The following ABL1 variants were observed in gnomAD, a reference collection of about 807,000 sequenced individuals.
ABL1 encodes ABL proto-oncogene 1, non-receptor tyrosine kinase.
ABL1 carries 11 observed loss-of-function variants against 94.7 expected under a neutral mutation model. That is an observed-to-expected ratio of 0.12 (90% confidence interval 0.07 to 0.19). ABL1 has a LOEUF of 0.19. ABL1 is among the 10% of genes least tolerant of loss of function. The probability of loss-of-function intolerance (pLI) is 1.00; values close to 1 mark genes in which losing one functional copy is unlikely to be tolerated. For synonymous variants in ABL1, 656 were observed against 622.4 expected, an observed-to-expected ratio of 1.05 and a Z score of -0.80; for missense variants, 1,082 against 1,489.4, an observed-to-expected ratio of 0.73 and a Z score of 4.50.
Position 130,812,361 on chromosome 9 carries a change from T to TA in ABL1, c.137-41691dup, listed in dbSNP as rs755179481. Among the ~76,000 whole-genome samples the TA allele has an allele frequency of 7.9e-3, 1,142 of 144,882 alleles. 14 individuals are homozygous for TA. The highest frequency in any genetic ancestry group is 0.018 in the African/African-American group (720 of 39,702). On this transcript the variant is annotated intron_variant, in intron 1 of 10. Coordinates refer to the ABL1 transcript ENST00000372348. ...CCTGGGTGACAGCGAGATTCCATCT[T>TA]AAAAAAAAAAAATCCTCATTAAAAG...
intron 1 of ABL1, among the ~76,000 whole-genome samples, chr9:130,819,437 G>A (rs897404022): frequency 7.9e-5 from 12 of 151,620 alleles, no homozygotes; most frequent in Non-Finnish European, 1.8e-4. Flanking sequence ...TCTAATGTTC[G>A]TTGAATGAAA....
At chr9:130,846,520 C>T (rs1830775231) in intron 1 of ABL1, among the ~76,000 whole-genome samples, 1 of 152,210 alleles carries the variant, frequency 6.6e-6, no homozygotes, top group South Asian at 2.1e-4. Flanking sequence ...GCTCCATCCT[C>T]CTGTCCCCCC....
chr9:130,724,467 A>G (rs1831553502), intron 1 of ABL1, among the ~76,000 whole-genome samples: 1 of 151,532 alleles, frequency 6.6e-6, no homozygotes, highest in Non-Finnish European at 1.5e-5. Context: ...TATTTTATTT[A>G]TTTATTTTTG....
chr9:130,758,318 G>A (rs984004372), intron 1 of ABL1, among the ~76,000 whole-genome samples: 1 of 151,758 alleles, frequency 6.6e-6, no homozygotes, highest in Non-Finnish European at 1.5e-5. Flanking sequence ...GTACTACCAC[G>A]TCTGGCTAAT....
intron 8 of ABL1, among the ~76,000 whole-genome samples, chr9:130,878,908 G>A (rs1031580247): frequency 2.2e-5 from 3 of 136,186 alleles, no homozygotes; most frequent in Admixed American, 1.6e-4. Context: ...ACGGAGTTTC[G>A]CTCTTGTCGC....
chr9:130,749,098 T>C (rs1831923563), intron 1 of ABL1, among the ~76,000 whole-genome samples: 1 of 152,190 alleles, frequency 6.6e-6, no homozygotes, highest in Non-Finnish European at 1.5e-5. Flanking sequence ...ATACTAGATC[T>C]TGAGCACCAG....
In ABL1 at chr9:130,878,011, C is replaced by T. The variant is rs575758862; in HGVS notation, c.1271-404C>T. ...TGTATTTTTAGTAGAGACAGGGTTTCACCATGTTAGCCAGGATGGTCTCAA... is the reference window on the plus strand; with the variant it reads ...TGTATTTTTAGTAGAGACAGGGTTTTACCATGTTAGCCAGGATGGTCTCAA... On this transcript the variant is annotated intron_variant, in intron 7 of 10. Transcript: ENST00000318560. 2.7e-3 allele frequency among the ~76,000 whole-genome samples: 404 copies of T among 152,194 alleles called. 5 individuals carry two copies. Among genetic ancestry groups the T allele is most frequent in the African/African-American group, 9.4e-3 (392 of 41,496 alleles).
At chr9:130,837,381 C>G (rs761246409) in intron 1 of ABL1, among the ~76,000 whole-genome samples, 2 of 152,136 alleles carry the variant, frequency 1.3e-5, no homozygotes, top group Non-Finnish European at 2.9e-5. Flanking sequence ...AAGTGCAGAG[C>G]TGGAGCAAAG....
chr9:130,832,507 A>G (rs1588257310), upstream of ABL1, among the ~76,000 whole-genome samples: 1 of 151,572 alleles, frequency 6.6e-6, no homozygotes, highest in East Asian at 1.9e-4. Flanking sequence ...CTACCTTCCT[A>G]CCTCCTGGCT....
At chr9:130,853,281 T>G (rs922130459) in intron 1 of ABL1, among the ~76,000 whole-genome samples, 4 of 137,600 alleles carry the variant, frequency 2.9e-5, no homozygotes, top group African/African-American at 5.4e-5. Context: ...GTTCAAGCAA[T>G]TCTCCTGCCT....
intron 1 of ABL1, among the ~76,000 whole-genome samples, chr9:130,722,710 G>A (rs1405897013): frequency 6.6e-6 from 1 of 152,130 alleles, no homozygotes; most frequent in Non-Finnish European, 1.5e-5. Flanking sequence ...AATACATTTT[G>A]TATGGCCTTC....
At chr9:130,735,962 T>TATATA (rs1554757971) in intron 1 of ABL1, among the ~76,000 whole-genome samples, 84 of 48,658 alleles carry the variant, frequency 1.7e-3, no homozygotes, top group African/African-American at 0.01. Flanking sequence ...TATATATATA[T>TATATA]TTTTTTTTTT....
intron 1 of ABL1, among the ~76,000 whole-genome samples, chr9:130,735,911 A>ATGTG (rs199512339): frequency 7.3e-6 from 1 of 137,372 alleles, no homozygotes; most frequent in Admixed American, 7.6e-5. Flanking sequence ...GTGTGTGTAT[A>ATGTG]TGTGTGTGTA....
At chr9:130,813,989 A>C (rs1287638579) in intron 1 of ABL1, among the ~76,000 whole-genome samples, 1 of 152,188 alleles carries the variant, frequency 6.6e-6, no homozygotes, top group Admixed American at 6.5e-5. Context: ...AATTAAGCAG[A>C]AGAAAAAGCC....
In ABL1 at chr9:130,767,398, T is replaced by A. The variant is rs530136413; in HGVS notation, c.136+52943T>A. ...TGTCCAGGCTGGACTGCAGTGACAA[T>A]CTCTGCTCACTATAACCTCCGCCTC... is the stretch of plus-strand genomic sequence containing the variant. On this transcript the variant is annotated intron_variant, in intron 1 of 10. Coordinates refer to the ABL1 transcript ENST00000372348. 1.6e-3 allele frequency among the ~76,000 whole-genome samples: 242 copies of A among 151,778 alleles called. 1 individual carries two copies. Among genetic ancestry groups the A allele is most frequent in the African/African-American group, 5.6e-3 (230 of 41,198 alleles).
chr9:130,883,562 C>T (rs1564323063), intron 10 of ABL1, among the ~76,000 whole-genome samples: 1 of 151,864 alleles, frequency 6.6e-6, no homozygotes, highest in Non-Finnish European at 1.5e-5. Context: ...AAAAGCTGGA[C>T]GGCCCTGGCC....
At chr9:130,746,336 T>C (rs931682638) in intron 1 of ABL1, among the ~76,000 whole-genome samples, 1 of 152,078 alleles carries the variant, frequency 6.6e-6, no homozygotes, top group African/African-American at 2.4e-5. Flanking sequence ...ACTTTTTCAA[T>C]GTATGGTTTT....
intron 1 of ABL1, among the ~76,000 whole-genome samples, chr9:130,848,864 G>A (rs757737607): frequency 7.2e-5 from 11 of 152,092 alleles, no homozygotes; most frequent in Non-Finnish European, 1.6e-4. Context: ...GCTTGAACCC[G>A]GAAGGTGAAG....
chr9:130,786,126 G>A (rs2132796568), intron 1 of ABL1, among the ~76,000 whole-genome samples: 1 of 152,270 alleles, frequency 6.6e-6, no homozygotes, highest in South Asian at 2.1e-4. Context: ...GAAAGGAGCT[G>A]GGGGAACGCC....
Sources: allele counts gnomAD v4.1 joint callset (sites outside exome capture counted in the v4.1 genomes callset), GRCh38; gene constraint gnomAD v4.1.1; transcripts MANE v1.5; gene names NCBI Gene and HGNC (gene_info 2026-07-23, HGNC 2026-07-21).